The following FANCD2OS variants were observed in gnomAD, a reference collection of about 807,000 sequenced individuals.
FANCD2OS encodes the protein FANCD2 opposite strand protein.
FANCD2OS carries 11 observed loss-of-function variants against 13.2 expected under a neutral mutation model. That is an observed-to-expected ratio of 0.83 (90% confidence interval 0.52 to 1.38). The LOEUF (loss-of-function observed/expected upper bound fraction) is 1.38, where lower values mean the gene tolerates loss of function less well. Among genes scored for constraint, FANCD2OS ranks in the 40% most tolerant of loss-of-function variants. The pLI is 0.00. For missense variants in FANCD2OS, 217 were observed against 213.9 expected (o/e 1.01, Z -0.09); for synonymous variants, 69 against 84.5 (o/e 0.82, Z 1.01).
In FANCD2OS at chr3:10,104,490, G is replaced by A. The variant is rs756495861; in HGVS notation, c.285C>T (p.Arg95=). The A allele has an allele frequency of 1.2e-6, 2 of 1,614,188 alleles. No homozygotes were observed. The highest frequency in any genetic ancestry group is 4.5e-5 in the East Asian group (2 of 44,890). The change falls in exon 2 of 2, where the codon CGC becomes CGT. Residue 95 remains arginine, a synonymous_variant. Coordinates refer to ENST00000450660, the MANE Select transcript of FANCD2OS (RefSeq NM_001164839.2). ...KGLVRKPQPI[R]LSGVDSVFGR... ...CAAAGACAGAATCTACTCCACTGAG[G>A]CGGATGGGCTGGGGCTTCCTGACCA... is the stretch of plus-strand genomic sequence containing the variant.
intron 2 of FANCD2OS, among the ~76,000 whole-genome samples, chr3:10,097,726 T>TAA (rs1271054059): frequency 1.1e-4 from 17 of 152,308 alleles, no homozygotes; most frequent in African/African-American, 3.4e-4. Flanking sequence ...ATTAAGACAT[T>TAA]AAAGTAAAGA....
intron 2 of FANCD2OS, among the ~76,000 whole-genome samples, chr3:10,094,705 T>A (rs558964282): frequency 7.3e-5 from 11 of 151,232 alleles, no homozygotes; most frequent in African/African-American, 2.0e-4. Context: ...AGAAATGATT[T>A]TAAAAAAAAA....
At chr3:10,084,018 G>A (rs891296103) in intron 2 of FANCD2OS, among the ~76,000 whole-genome samples, 1 of 151,608 alleles carries the variant, frequency 6.6e-6, no homozygotes, top group Non-Finnish European at 1.5e-5. Flanking sequence ...GTGAGAGACA[G>A]AGTCTCACTC....
intron 2 of FANCD2OS, chr3:10,095,218 C>T: frequency 6.2e-7 from 1 of 1,614,032 alleles, no homozygotes; most frequent in Non-Finnish European, 8.5e-7. Context: ...TCTGAGCTTA[C>T]TGGAAACCTT....
chr3:10,108,339 A>T (rs1264394533), upstream of FANCD2OS: 1 of 152,128 alleles, frequency 6.6e-6, no homozygotes, highest in Non-Finnish European at 1.5e-5. Context: ...GGGCAGCCCG[A>T]GCCGCGGCGG....
intron 1 of FANCD2OS, among the ~76,000 whole-genome samples, chr3:10,106,933 C>CA (rs774751805): frequency 2.2e-4 from 33 of 152,152 alleles, no homozygotes; most frequent in Non-Finnish European, 4.6e-4. Context: ...GGTGACATTT[C>CA]AGACCAGAAG....
At chr3:10,098,887 C>T (rs974186789), downstream of FANCD2OS, 7 of 1,614,092 alleles carry the variant, frequency 4.3e-6, no homozygotes, top group Non-Finnish European at 5.9e-6. Flanking sequence ...GTTGGTGGAG[C>T]AGAACTTTGC....
intron 2 of FANCD2OS, among the ~76,000 whole-genome samples, chr3:10,082,351 A>G (rs761639254): frequency 6.6e-6 from 1 of 151,976 alleles, no homozygotes; most frequent in Non-Finnish European, 1.5e-5. Context: ...TTATCTCTCA[A>G]CCTGGACTGG....
At chr3:10,095,256 C>T in intron 2 of FANCD2OS, 1 of 1,614,118 alleles carries the variant, frequency 6.2e-7, no homozygotes, top group African/African-American at 1.3e-5. Context: ...TGCTTCATCA[C>T]CTGTGTGGGC....
chr3:10,099,488 G>A (rs9862958), downstream of FANCD2OS: 15,292 of 293,074 alleles, frequency 0.052, 1,418 homozygotes, highest in African/African-American at 0.24. Context: ...ACCTGGGTGC[G>A]GTGGCTCACA....
At chr3:10,098,481 A>G (rs1695110596), downstream of FANCD2OS, among the ~76,000 whole-genome samples, 1 of 152,230 alleles carries the variant, frequency 6.6e-6, no homozygotes, top group African/African-American at 2.4e-5. Flanking sequence ...GTGTGATACT[A>G]GCATACTAAG....
In FANCD2OS at chr3:10,081,533, T is replaced by C; in HGVS notation, c.*44-2A>G. The C allele has an allele frequency of 2.8e-6, 3 of 1,057,162 alleles. 1 individual carries two copies. The highest frequency in any genetic ancestry group is 2.5e-5 in the South Asian group (2 of 79,662). The allele number at this position is 1,057,162 out of a possible 1,614,324, so 65.5% of individuals were successfully genotyped here. A position where few individuals can be genotyped will look rare whatever the true frequency, so the allele number is the denominator to read the frequency against. ...TTTTATTTGACAGTCACCAAGGCACTGAAATGTAGAAAAGAAAGAAAAGGT... is the reference window on the plus strand; with the variant it reads ...TTTTATTTGACAGTCACCAAGGCACCGAAATGTAGAAAAGAAAGAAAAGGT... On this transcript the variant is annotated splice_acceptor_variant, in intron 2 of 2. Coordinates refer to the FANCD2OS transcript ENST00000524279. LOFTEE classifies it low-confidence loss of function (3UTR_SPLICE).
At chr3:10,105,687 G>T (rs533812903) in intron 1 of FANCD2OS, among the ~76,000 whole-genome samples, 1 of 146,182 alleles carries the variant, frequency 6.8e-6, no homozygotes, top group South Asian at 2.2e-4. Flanking sequence ...GGAGGCGGAG[G>T]TTGCAGTGAG....
At chr3:10,107,010 G>T (rs1695513226) in intron 1 of FANCD2OS, among the ~76,000 whole-genome samples, 1 of 152,222 alleles carries the variant, frequency 6.6e-6, no homozygotes, top group Non-Finnish European at 1.5e-5. Flanking sequence ...TGTTTCTCAT[G>T]ATCTATGTAG....
At chr3:10,083,951 T>C (rs1184792656) in intron 2 of FANCD2OS, among the ~76,000 whole-genome samples, 3 of 151,462 alleles carry the variant, frequency 2.0e-5, no homozygotes. Context: ...TTGAGCAATT[T>C]AGCCTGTGGT....
chr3:10,096,267 G>C, intron 2 of FANCD2OS: 2 of 1,570,762 alleles, frequency 1.3e-6, no homozygotes, highest in South Asian at 2.2e-5. Context: ...GTTTCTATAA[G>C]AAATGTGAAG....
rs140525871 is a variant in FANCD2OS at position 10,104,362 on chromosome 3, A to G, written c.413T>C (p.Ile138Thr). ...CTGAATCTGAGGCTCCTTCAGTCCA[A>G]TGGGCCACTGGTGCTCCCTGCTAAT... ...KIISREHQWP[I>T]GLKEPQIQMT... Residue 138 changes from isoleucine (I) to threonine (T), a missense_variant, in exon 2 of 2, where the codon ATT (isoleucine) becomes ACT (threonine). Transcript: ENST00000450660. 27 of 1,614,180 alleles carry G rather than the reference A, an allele frequency of 1.7e-5. No homozygotes were observed. Among genetic ancestry groups the G allele is most frequent in the African/African-American group, 9.3e-5 (7 of 75,026 alleles).
chr3:10,099,260 A>G (rs1043035593), downstream of FANCD2OS: 12 of 1,290,972 alleles, frequency 9.3e-6, no homozygotes, highest in South Asian at 2.0e-4. Context: ...AGAGAACTGA[A>G]ATAAAAATAG....
downstream of FANCD2OS, chr3:10,099,458 A>C: frequency 3.2e-5 from 15 of 467,788 alleles, no homozygotes; most frequent in South Asian, 7.3e-5. Context: ...CCCTATCTCC[A>C]CAAAAAAAAT....
Sources: allele counts gnomAD v4.1 joint callset (sites outside exome capture counted in the v4.1 genomes callset), GRCh38; gene constraint gnomAD v4.1.1; transcripts MANE v1.5; gene names NCBI Gene and HGNC (gene_info 2026-07-23, HGNC 2026-07-21).